DAB1: variants seen among roughly 807,000 people sequenced by gnomAD.
DAB1 encodes the protein DAB adaptor protein 1, also known as disabled homolog 1.
DAB1 carries 15 observed loss-of-function variants against 64.6 expected under a neutral mutation model. That is an observed-to-expected ratio of 0.23 (90% CI 0.16 to 0.36). The LOEUF (loss-of-function observed/expected upper bound fraction) is 0.36. DAB1 is among the 10% of genes least tolerant of loss of function. DAB1 has a pLI of 1.00. For synonymous variants in DAB1, 235 were observed against 251.9 expected, an observed-to-expected ratio of 0.93 and a Z score of 0.64; for missense variants, 596 against 706.7, an observed-to-expected ratio of 0.84 and a Z score of 1.78.
chr1:57,513,278 C>G (rs950956505), intron 7 of DAB1, among the ~76,000 whole-genome samples: 1 of 152,130 alleles, frequency 6.6e-6, no homozygotes, highest in Non-Finnish European at 1.5e-5. Flanking sequence ...TCTTGCCTGA[C>G]AAGCCCTTCC....
intron 2 of DAB1, among the ~76,000 whole-genome samples, chr1:57,257,215 G>T (rs1311302604): frequency 2.0e-5 from 3 of 152,158 alleles, no homozygotes; most frequent in Admixed American, 1.3e-4. Flanking sequence ...CAAGAACTGG[G>T]CATTAGCCCC....
intron 5 of DAB1, among the ~76,000 whole-genome samples, chr1:58,107,975 TG>T (rs1651761551): frequency 6.6e-6 from 1 of 152,134 alleles, no homozygotes; most frequent in South Asian, 2.1e-4. Context: ...GGAAAATGAA[TG>T]GGGAAATCTG....
At chr1:57,538,306 T>C (rs1644755169) in intron 7 of DAB1, among the ~76,000 whole-genome samples, 1 of 152,176 alleles carries the variant, frequency 6.6e-6, no homozygotes, top group African/African-American at 2.4e-5. Context: ...CTAGCATTCT[T>C]AGCTTCCTGC....
chr1:57,572,857 C>T (rs1464666414), intron 7 of DAB1, among the ~76,000 whole-genome samples: 1 of 152,044 alleles, frequency 6.6e-6, no homozygotes, highest in African/African-American at 2.4e-5. Flanking sequence ...ATGGCAAAAG[C>T]AGGAGCAAGA....
intron 3 of DAB1, among the ~76,000 whole-genome samples, chr1:58,492,751 A>C (rs338256): frequency 0.95 from 144,422 of 152,174 alleles, 68,992 homozygotes; most frequent in South Asian, 1. Flanking sequence ...CAATAACAGG[A>C]TCTGAAATTG....
chr1:58,014,018 G>C (rs1039286799), intron 5 of DAB1, among the ~76,000 whole-genome samples: 1 of 151,750 alleles, frequency 6.6e-6, no homozygotes, highest in Non-Finnish European at 1.5e-5. Flanking sequence ...CAGTGTTCCA[G>C]GGCCATACTT....
rs145363501 is a variant in DAB1, at chr1:58,495,616, T to C, written n.257+10444A>G. 5.2e-3 allele frequency among the ~76,000 whole-genome samples: 791 copies of C among 152,098 alleles called. 10 individuals are homozygous for C. Among genetic ancestry groups the C allele is most frequent in the African/African-American group, 0.018 (741 of 41,476 alleles). On this transcript the variant is annotated intron_variant and non_coding_transcript_variant, in intron 3 of 20. Transcript: ENST00000485760. ...ATTTTATCTAATTCCTGATTGTCAGTAGATTCTGGAAAGAGCACTGTTGCA... is the reference window on the plus strand; with the variant it reads ...ATTTTATCTAATTCCTGATTGTCAGCAGATTCTGGAAAGAGCACTGTTGCA...
At chr1:57,105,966 A>G (rs1162836473) in intron 4 of DAB1, among the ~76,000 whole-genome samples, 1 of 152,096 alleles carries the variant, frequency 6.6e-6, no homozygotes, top group East Asian at 1.9e-4. Context: ...CCAGGCTTGG[A>G]TGCTTCCTGT....
At chr1:57,169,013 G>T (rs1661472454) in intron 2 of DAB1, among the ~76,000 whole-genome samples, 1 of 152,146 alleles carries the variant, frequency 6.6e-6, no homozygotes, top group Non-Finnish European at 1.5e-5. Flanking sequence ...CTATAATCAT[G>T]CCACTGCACT....
intron 3 of DAB1, among the ~76,000 whole-genome samples, chr1:58,390,863 A>G (rs574901095): frequency 1.3e-5 from 2 of 152,236 alleles, no homozygotes; most frequent in African/African-American, 4.8e-5. Flanking sequence ...ATGTGTAACA[A>G]ATGGAAAGTG....
intron 1 of DAB1, among the ~76,000 whole-genome samples, chr1:57,380,674 CA>C (rs1395187276): frequency 5.9e-5 from 9 of 152,156 alleles, no homozygotes; most frequent in African/African-American, 2.2e-4. Flanking sequence ...GGGCTAGGTC[CA>C]GTGGGGAGAC....
chr1:57,512,752 C>T (rs1644419336), intron 7 of DAB1, among the ~76,000 whole-genome samples: 1 of 152,202 alleles, frequency 6.6e-6, no homozygotes, highest in South Asian at 2.1e-4. Flanking sequence ...ATTGCCTGGA[C>T]CCCAGCTTTT....
chr1:57,081,356 C>T (rs879661246), intron 4 of DAB1, among the ~76,000 whole-genome samples: 2 of 152,158 alleles, frequency 1.3e-5, no homozygotes, highest in Non-Finnish European at 2.9e-5. Flanking sequence ...AGTGTTCAAG[C>T]ACCAACAGTA....
At chr1:57,761,237 A>G (rs1649072223) in intron 6 of DAB1, among the ~76,000 whole-genome samples, 1 of 152,134 alleles carries the variant, frequency 6.6e-6, no homozygotes, top group Non-Finnish European at 1.5e-5. Flanking sequence ...TCCCTTACTG[A>G]TTTCCTATTT....
At chr1:57,458,316 T>A (rs1426104691) in intron 7 of DAB1, among the ~76,000 whole-genome samples, 2 of 152,232 alleles carry the variant, frequency 1.3e-5, no homozygotes, top group African/African-American at 2.4e-5. Flanking sequence ...AAATTTTTTT[T>A]ATAATTATAA....
At chr1:57,047,155 C>A (rs1045933901) in intron 9 of DAB1, among the ~76,000 whole-genome samples, 7 of 152,212 alleles carry the variant, frequency 4.6e-5, no homozygotes, top group Non-Finnish European at 8.8e-5. Context: ...ACTTATTTAA[C>A]TCCTCTGATC....
chr1:57,761,783 T>C (rs1166211755), intron 6 of DAB1, among the ~76,000 whole-genome samples: 1 of 152,214 alleles, frequency 6.6e-6, no homozygotes, highest in Admixed American at 6.5e-5. Flanking sequence ...CCAAATGTCA[T>C]GTCACATCTC....
chr1:58,100,970 A>G (rs1002888909), intron 5 of DAB1, among the ~76,000 whole-genome samples: 3 of 152,190 alleles, frequency 2.0e-5, no homozygotes, highest in Non-Finnish European at 4.4e-5. Context: ...AGGAAGGGAT[A>G]CTTTCCTGTT....
intron 2 of DAB1, among the ~76,000 whole-genome samples, chr1:58,517,552 A>T (rs964366156): frequency 2.6e-5 from 4 of 152,186 alleles, no homozygotes; most frequent in African/African-American, 9.7e-5. Flanking sequence ...CTCAAGTTAC[A>T]TCTCTGCTAC....
Sources: gnomAD v4.1 joint callset for allele counts (sites outside exome capture counted in the v4.1 genomes callset) on GRCh38, gnomAD v4.1.1 for gene constraint, MANE v1.5 for transcripts, NCBI Gene and HGNC (gene_info 2026-07-23, HGNC 2026-07-21) for gene names.